The following PCLO variants were observed in gnomAD, a reference collection of about 807,000 sequenced individuals.
The protein encoded by PCLO is piccolo presynaptic cytomatrix protein.
PCLO carries 82 observed loss-of-function variants against 427.5 expected under a neutral mutation model. That is an observed-to-expected ratio of 0.19 (90% CI 0.16 to 0.23). The LOEUF (loss-of-function observed/expected upper bound fraction) is 0.23. Among genes scored for constraint, PCLO ranks in the 10% least tolerant of loss-of-function variants. The pLI, the probability that PCLO is intolerant of heterozygous loss-of-function variation, is 1.00. For missense variants in PCLO, 6,239 were observed against 6,115.9 expected, an observed-to-expected ratio of 1.02 and a Z score of -0.67; for synonymous variants, 2,357 against 2,155.4, an observed-to-expected ratio of 1.09 and a Z score of -2.59.
chr7:82,977,377 CTTT>C (rs774333323), intron 3 of PCLO, among the ~76,000 whole-genome samples: 1 of 136,800 alleles, frequency 7.3e-6, no homozygotes, highest in African/African-American at 2.7e-5. Flanking sequence ...CAAAATTCAT[CTTT>C]TTTATTTATT....
At chr7:82,887,042 A>G (rs1029062159) in intron 9 of PCLO, among the ~76,000 whole-genome samples, 2 of 152,086 alleles carry the variant, frequency 1.3e-5, no homozygotes, top group Non-Finnish European at 2.9e-5. Flanking sequence ...TCAGGGATGG[A>G]AGAAAAGAGA....
At chr7:82,909,182 A>G (rs575986263) in intron 7 of PCLO, among the ~76,000 whole-genome samples, 169 bp from the exon 8 acceptor site, 191 of 152,276 alleles carry the variant, frequency 1.3e-3, no homozygotes, top group African/African-American at 4.5e-3. Flanking sequence ...TATGCCAAAA[A>G]TCAAATTATG....
intron 20 of PCLO, among the ~76,000 whole-genome samples, chr7:82,815,745 T>C (rs907967027): frequency 6.6e-6 from 1 of 151,970 alleles, no homozygotes; most frequent in Non-Finnish European, 1.5e-5. Flanking sequence ...TGGTATTAGG[T>C]TGGTGCAAAA....
chr7:82,875,906 CA>C (rs1217135603), intron 10 of PCLO, among the ~76,000 whole-genome samples: 4 of 151,968 alleles, frequency 2.6e-5, no homozygotes, highest in African/African-American at 9.7e-5. Context: ...CTAGCTTTTC[CA>C]AACAACAGCT....
At chr7:82,819,318 CA>C (rs36052834) in intron 20 of PCLO, among the ~76,000 whole-genome samples, 1 of 150,810 alleles carries the variant, frequency 6.6e-6, no homozygotes, top group East Asian at 2.0e-4. Flanking sequence ...GAACACTATT[CA>C]AAAAAAGGGA....
chr7:82,845,519 C>G (rs1792478349), intron 12 of PCLO, 34 bp from the exon 13 acceptor site: 1 of 1,403,566 alleles, frequency 7.1e-7, no homozygotes, highest in African/African-American at 1.4e-5. Context: ...ACATACTTCT[C>G]CATTTCATAG....
At chr7:83,125,443 T>C (rs951804251) in intron 3 of PCLO, among the ~76,000 whole-genome samples, 1 of 152,170 alleles carries the variant, frequency 6.6e-6, no homozygotes, top group Non-Finnish European at 1.5e-5. Context: ...TTTTGTCGAA[T>C]AGAAAAGGGG....
At chr7:83,059,419 G>A (rs1789489399) in intron 3 of PCLO, among the ~76,000 whole-genome samples, 1 of 140,756 alleles carries the variant, frequency 7.1e-6, no homozygotes, top group African/African-American at 2.6e-5. Context: ...ATAAAGGAAA[G>A]GTTTGGCTAA....
intron 3 of PCLO, among the ~76,000 whole-genome samples, chr7:83,017,009 G>C (rs563154535): frequency 6.6e-6 from 1 of 152,058 alleles, no homozygotes; most frequent in Admixed American, 6.6e-5. Context: ...TTTTCTTTGT[G>C]AATAAATTAT....
chr7:83,149,883 A>G (rs1792085713), intron 2 of PCLO, among the ~76,000 whole-genome samples: 2 of 152,200 alleles, frequency 1.3e-5, no homozygotes, highest in African/African-American at 4.8e-5. Flanking sequence ...GATATATGCA[A>G]GTCAAGGAGT....
intron 3 of PCLO, among the ~76,000 whole-genome samples, chr7:82,981,239 C>A (rs1796140303): frequency 1.3e-5 from 2 of 149,618 alleles, no homozygotes; most frequent in African/African-American, 2.5e-5. Flanking sequence ...CTCACCTGAC[C>A]ATTAAAAAAA....
intron 6 of PCLO, among the ~76,000 whole-genome samples, chr7:82,925,713 C>CT (rs34017885): frequency 0.25 from 19,570 of 79,084 alleles, 3,213 homozygotes; most frequent in Non-Finnish European, 0.3. Context: ...ATTTTTGTTG[C>CT]TTTTTTTTTT....
chr7:82,811,120 T>TAA (rs986993770), intron 20 of PCLO, among the ~76,000 whole-genome samples: 13 of 151,612 alleles, frequency 8.6e-5, no homozygotes, highest in African/African-American at 2.9e-4. Context: ...ACTTGGTTAA[T>TAA]ACAGTAGTAA....
intron 3 of PCLO, among the ~76,000 whole-genome samples, chr7:82,989,639 A>G (rs569407066): frequency 3.5e-4 from 54 of 152,314 alleles, no homozygotes; most frequent in South Asian, 2.5e-3. Context: ...ATGATCTTAC[A>G]TCTACTAATA....
chr7:82,808,030 T>G (rs1321764311), intron 20 of PCLO, among the ~76,000 whole-genome samples: 1 of 151,998 alleles, frequency 6.6e-6, no homozygotes, highest in Admixed American at 6.6e-5. Context: ...TGTAAAATGA[T>G]GGACATGTAT....
intron 4 of PCLO, among the ~76,000 whole-genome samples, chr7:82,963,029 T>C (rs1322897521): frequency 6.6e-6 from 1 of 152,042 alleles, no homozygotes; most frequent in African/African-American, 2.4e-5. Flanking sequence ...CAAGTGTTTT[T>C]CAGTAATACA....
intron 2 of PCLO, among the ~76,000 whole-genome samples, chr7:83,139,443 A>G (rs1791811040): frequency 6.6e-6 from 1 of 152,210 alleles, no homozygotes; most frequent in Non-Finnish European, 1.5e-5. Flanking sequence ...TAAAATTAGA[A>G]CACTGCCAGA....
chr7:83,001,585 T>C (rs923405791), intron 3 of PCLO, among the ~76,000 whole-genome samples: 2 of 151,840 alleles, frequency 1.3e-5, no homozygotes, highest in African/African-American at 4.8e-5. Flanking sequence ...TTCCTGACTT[T>C]CAAACTTAGC....
chr7:82,805,230 A>G (rs1040165940), intron 21 of PCLO, among the ~76,000 whole-genome samples: 1 of 152,192 alleles, frequency 6.6e-6, no homozygotes, highest in Admixed American at 6.5e-5. Flanking sequence ...AAGGATTTAT[A>G]GTTGAAAAGT....
Sources: gnomAD v4.1 joint callset for allele counts (sites outside exome capture counted in the v4.1 genomes callset) on GRCh38, gnomAD v4.1.1 for gene constraint, MANE v1.5 for transcripts, NCBI Gene and HGNC (gene_info 2026-07-23, HGNC 2026-07-21) for gene names.